Variants in LIFR observed in about 807,000 individuals in gnomAD.
The protein encoded by LIFR is LIF receptor subunit alpha.
In LIFR, 84 loss-of-function variants were observed where a neutral mutation model predicts 122.2. The ratio of observed to expected loss-of-function variants is 0.69; its 90% CI spans 0.58 to 0.82. The LOEUF (loss-of-function observed/expected upper bound fraction) is 0.82. Among genes scored for constraint, LIFR ranks in the 40% least tolerant of loss-of-function variants. The pLI is 0.00. For missense variants in LIFR, 1,294 were observed against 1,311.6 expected (o/e 0.99, Z 0.21); for synonymous variants, 422 against 434.7 (o/e 0.97, Z 0.36).
intron 5 of LIFR, among the ~76,000 whole-genome samples, chr5:38,517,856 C>CAAAAAAAAAAAAAAAAAAAAA (rs572954936): frequency 9.3e-4 from 14 of 15,040 alleles, no homozygotes; most frequent in Admixed American, 1.3e-3. Context: ...GACACTGTCT[C>CAAAAAAAAAAAAAAAAAAAAA]AAAAAAAAAA....
rs4608943 is a variant in LIFR at position 38,562,692 on chromosome 5, G to T, written c.-19-32026C>A. ...GAGCTGAGGTCCAGCCAGGGGTGGT[G>T]GAGTGGTTCAAAATTGAACTCAAAT... On this transcript the variant is annotated intron_variant, in intron 1 of 19. Coordinates refer to the LIFR transcript ENST00000263409. 1.5e-3 allele frequency among the ~76,000 whole-genome samples: 229 copies of T among 152,118 alleles called. 2 individuals carry two copies. Among genetic ancestry groups the T allele is most frequent in the Admixed American group, 2.2e-3 (34 of 15,294 alleles).
At chr5:38,593,104 G>A (rs531005340) in intron 1 of LIFR, among the ~76,000 whole-genome samples, 2 of 152,184 alleles carry the variant, frequency 1.3e-5, no homozygotes, top group Non-Finnish European at 2.9e-5. Flanking sequence ...TCAGGAGGCT[G>A]AGGCGGGAGA....
At chr5:38,530,485 C>T in intron 2 of LIFR, 21 bp downstream of exon 2, 2 of 1,602,338 alleles carry the variant, frequency 1.2e-6, no homozygotes, top group Middle Eastern at 1.7e-4. Flanking sequence ...TGTTCATTCT[C>T]TGGAAGGCTG....
chr5:38,562,793 AAAC>A (rs1341295442), intron 1 of LIFR, among the ~76,000 whole-genome samples: 1 of 152,210 alleles, frequency 6.6e-6, no homozygotes, highest in African/African-American at 2.4e-5. Flanking sequence ...CAAAACCAAA[AAAC>A]CTAAAACTGC....
Position 38,489,098 on chromosome 5 carries a change from T to A in LIFR, c.2315A>T (p.Lys772Met). Residue 772 changes from lysine (K) to methionine (M), a missense_variant, in exon 16 of 20, where the codon AAG (lysine) becomes ATG (methionine). Lys to Met is a moderately conservative substitution (Grantham distance 95). Coordinates refer to ENST00000453190, the MANE Select transcript of LIFR (RefSeq NM_001127671.2). ...CTCACCTGATTCTAAAACCCTCATC[T>A]TAGATGTGTCTCTTTCTCCTTTTCC... Reference protein sequence around the residue: ...YFGKGERDTSKMRVLESGRSD... With the variant: ...YFGKGERDTSMMRVLESGRSD... 2 of 1,613,086 alleles carry A rather than the reference T, an allele frequency of 1.2e-6. No homozygotes were observed. Among genetic ancestry groups the A allele is most frequent in the Non-Finnish European group, 1.7e-6 (2 of 1,179,244 alleles).
chr5:38,490,053 A>G (rs1472679297), intron 15 of LIFR, 137 bp downstream of exon 15: 6 of 432,648 alleles, frequency 1.4e-5, no homozygotes, highest in Non-Finnish European at 2.5e-5. Context: ...GTAATCAAAT[A>G]CTTTTTAATT....
chr5:38,553,200 C>G (rs966271046), intron 1 of LIFR, among the ~76,000 whole-genome samples: 1 of 152,152 alleles, frequency 6.6e-6, no homozygotes, highest in East Asian at 1.9e-4. Context: ...GCCTAAGCCA[C>G]TCTTCTTTCA....
chr5:38,489,837 A>AG (rs1436167442), intron 15 of LIFR, among the ~76,000 whole-genome samples: 1 of 150,280 alleles, frequency 6.7e-6, no homozygotes, highest in Non-Finnish European at 1.5e-5. Context: ...CTACAAAAAA[A>AG]AAAAAAAATT....
chr5:38,542,747 G>A (rs908752466), intron 1 of LIFR, among the ~76,000 whole-genome samples: 5 of 152,150 alleles, frequency 3.3e-5, no homozygotes, highest in African/African-American at 1.2e-4. Context: ...CAGTGTTCCC[G>A]CACAGACAGA....
At chr5:38,543,127 T>C (rs1747682580) in intron 1 of LIFR, among the ~76,000 whole-genome samples, 1 of 151,918 alleles carries the variant, frequency 6.6e-6, no homozygotes, top group Middle Eastern at 3.2e-3. Flanking sequence ...GCAATAAACA[T>C]GAAAATGACG....
intron 1 of LIFR, among the ~76,000 whole-genome samples, chr5:38,570,891 A>T (rs1246546610): frequency 6.6e-6 from 1 of 152,236 alleles, no homozygotes; most frequent in East Asian, 1.9e-4. Flanking sequence ...CTTATAATTA[A>T]TTACCTTTTC....
At chr5:38,597,611 A>G (rs1750132675), upstream of LIFR, among the ~76,000 whole-genome samples, 1 of 152,210 alleles carries the variant, frequency 6.6e-6, no homozygotes, top group African/African-American at 2.4e-5. Flanking sequence ...CCAAAGGCAG[A>G]GGCCAGGGAT....
intron 1 of LIFR, among the ~76,000 whole-genome samples, chr5:38,577,428 C>A (rs1749423904): frequency 6.6e-6 from 1 of 152,162 alleles, no homozygotes; most frequent in Non-Finnish European, 1.5e-5. Flanking sequence ...TCCCCGGTGC[C>A]AGTCATCTGC....
intron 1 of LIFR, among the ~76,000 whole-genome samples, chr5:38,573,796 C>G (rs1749292751): frequency 6.6e-6 from 1 of 152,154 alleles, no homozygotes. Context: ...TCCCAGTCCT[C>G]TTTTTGCCTT....
chr5:38,560,530 T>G (rs1748794642), upstream of LIFR, among the ~76,000 whole-genome samples: 1 of 152,312 alleles, frequency 6.6e-6, no homozygotes, highest in African/African-American at 2.4e-5. Flanking sequence ...GTCAAGTAAT[T>G]TGATAAATTA....
At chr5:38,488,481 C>T (rs368955653) in intron 16 of LIFR, among the ~76,000 whole-genome samples, 1 of 152,264 alleles carries the variant, frequency 6.6e-6, no homozygotes, top group African/African-American at 2.4e-5. Flanking sequence ...TCAGCAGAAA[C>T]ATAATGAAAG....
At chr5:38,494,422 T>C (rs1337826220) in intron 13 of LIFR, among the ~76,000 whole-genome samples, 9 of 151,210 alleles carry the variant, frequency 6.0e-5, no homozygotes, top group Admixed American at 5.9e-4. Flanking sequence ...GAAGGAGAAG[T>C]CTGCACAGCG....
intron 2 of LIFR, among the ~76,000 whole-genome samples, chr5:38,603,789 T>C (rs1301577002): frequency 6.6e-6 from 1 of 152,226 alleles, no homozygotes; most frequent in South Asian, 2.1e-4. Context: ...CCAAGGGTTT[T>C]ATTACCCAGG....
At chr5:38,603,999 G>A (rs569549973) in intron 2 of LIFR, among the ~76,000 whole-genome samples, 33 of 152,260 alleles carry the variant, frequency 2.2e-4, no homozygotes, top group Non-Finnish European at 4.0e-4. Context: ...GGTCATTTAC[G>A]CTGTCATCTC....
Sources: gnomAD v4.1 joint callset for allele counts (sites outside exome capture counted in the v4.1 genomes callset) on GRCh38, gnomAD v4.1.1 for gene constraint, MANE v1.5 for transcripts, NCBI Gene and HGNC (gene_info 2026-07-23, HGNC 2026-07-21) for gene names.